Variants in PAMR1 observed in about 807,000 individuals in gnomAD.
The protein encoded by PAMR1 is peptidase domain containing associated with muscle regeneration 1.
PAMR1 carries 88 observed loss-of-function variants against 81.8 expected under a neutral mutation model. The ratio of observed to expected loss-of-function variants is 1.08; its 90% CI spans 0.91 to 1.28. The LOEUF (loss-of-function observed/expected upper bound fraction) is 1.28. Among genes scored for constraint, PAMR1 ranks in the 50% most tolerant of loss-of-function variants. The pLI is 0.00. For missense variants in PAMR1, 935 were observed against 919.7 expected, an observed-to-expected ratio of 1.02 and a Z score of -0.21; for synonymous variants, 336 against 345.3, an observed-to-expected ratio of 0.97 and a Z score of 0.30.
chr11:35,471,496 A>G (rs1850185486), intron 4 of PAMR1, among the ~76,000 whole-genome samples: 1 of 152,212 alleles, frequency 6.6e-6, no homozygotes, highest in South Asian at 2.1e-4. Context: ...GACTAAGTAA[A>G]GGGGAAAACA....
upstream of PAMR1, chr11:35,530,022 T>C (rs1851440132): frequency 6.6e-6 from 1 of 152,192 alleles, no homozygotes; most frequent in Admixed American, 6.5e-5. Context: ...GTTCCCTCTA[T>C]CTCCCAGCTA....
At chr11:35,487,450 T>C (rs1431375993) in intron 3 of PAMR1, among the ~76,000 whole-genome samples, 1 of 152,192 alleles carries the variant, frequency 6.6e-6, no homozygotes, top group Non-Finnish European at 1.5e-5. Context: ...AGCTTATTCT[T>C]GGATCAACAA....
intron 8 of PAMR1, 78 bp from the exon 9 acceptor site, chr11:35,436,213 G>A (rs1164514194): frequency 5.6e-5 from 47 of 836,506 alleles, no homozygotes; most frequent in Admixed American, 1.2e-4. Context: ...TTCATGCCAT[G>A]TCCCATGTAG....
At position 35,474,695 on chromosome 11, in the gene PAMR1, G is replaced by A. The variant is rs1565342649; in HGVS notation, c.429C>T (p.Ser143=). 1.2e-6 allele frequency: 2 copies of A among 1,611,090 alleles called. No individual in the cohort carries two copies. Among genetic ancestry groups the A allele is most frequent in the Non-Finnish European group, 1.7e-6 (2 of 1,178,834 alleles). The change falls in exon 4 of 11, where the codon AGC becomes AGT. Residue 143 remains serine (S), a synonymous_variant. Coordinates refer to ENST00000619888, the MANE Select transcript of PAMR1 (RefSeq NM_001001991.3). ...RAPKGQILLE[S]YPLNAHCEWT... Reference sequence around the variant, plus strand: ...ATTCACAGTGAGCATTTAGGGGATAGCTTTCCAACAAAATCTGACCCTTTG... The same window carrying A: ...ATTCACAGTGAGCATTTAGGGGATAACTTTCCAACAAAATCTGACCCTTTG...
Position 35,432,366 on chromosome 11 carries a change from T to C in PAMR1, c.2153A>G (p.Asn718Ser). The change falls in exon 11 of 11, where the codon AAT (asparagine) becomes AGT (serine). Residue 718 changes from asparagine (N) to serine (S), a missense_variant. Physicochemically the swap from Asn to Ser is conservative, Grantham distance 46. Transcript: ENST00000619888. ...VLPFKDWIER[N>S]MK ...GTGCATGAGCATGGTTCATTTCATA[T>C]TTCTTTCAATCCAGTCTTTAAAAGG... 2 of 1,611,050 alleles carry C rather than the reference T, an allele frequency of 1.2e-6. No individual in the cohort carries two copies. The highest frequency in any genetic ancestry group is 2.2e-5 in the South Asian group (2 of 91,068).
chr11:35,504,502 G>A (rs1283088947), intron 1 of PAMR1, among the ~76,000 whole-genome samples: 1 of 152,068 alleles, frequency 6.6e-6, no homozygotes, highest in Non-Finnish European at 1.5e-5. Context: ...GAAGCCATCA[G>A]ATGGTCCTGG....
intron 1 of PAMR1, among the ~76,000 whole-genome samples, chr11:35,502,264 A>C (rs1364873042): frequency 1.3e-5 from 2 of 152,038 alleles, no homozygotes; most frequent in Non-Finnish European, 2.9e-5. Flanking sequence ...TAATTAATTA[A>C]TTTTTAAGTT....
At chr11:35,483,144 A>C (rs1850432715) in intron 3 of PAMR1, among the ~76,000 whole-genome samples, 1 of 152,204 alleles carries the variant, frequency 6.6e-6, no homozygotes, top group Admixed American at 6.5e-5. Context: ...GGGATGAATC[A>C]GTTTGACCCA....
chr11:35,494,265 T>A lies in PAMR1; in HGVS notation c.81A>T (p.Thr27=), dbSNP rs1850681911. 6.2e-7 allele frequency: 1 copy of A among 1,613,688 alleles called. No individual in the cohort carries two copies. Among genetic ancestry groups the A allele is most frequent in the Admixed American group, 1.7e-5 (1 of 59,998 alleles). Reference sequence around the variant, plus strand: ...CTCCAGGGCAGGCTTCATTAATGACTGTGTACTCTGAAATGGAAAACCAGC... The same window carrying A: ...CTCCAGGGCAGGCTTCATTAATGACAGTGTACTCTGAAATGGAAAACCAGC... ...LLISSLPREY[T]VINEACPGAE... The change falls in exon 2 of 11, where the codon ACA becomes ACT. Residue 27 remains threonine, a synonymous_variant. Transcript: ENST00000619888.
At chr11:35,512,707 G>A (rs1851095095) in intron 1 of PAMR1, among the ~76,000 whole-genome samples, 1 of 152,148 alleles carries the variant, frequency 6.6e-6, no homozygotes, top group Non-Finnish European at 1.5e-5. Flanking sequence ...AAGGAAAATG[G>A]TTAGGGTGGG....
At chr11:35,434,380 G>A (rs2087152364) in intron 10 of PAMR1, 132 bp downstream of exon 10, 3 of 758,962 alleles carry the variant, frequency 4.0e-6, no homozygotes, top group South Asian at 1.9e-5. Flanking sequence ...AATAATGAAC[G>A]CTGCTATATG....
chr11:35,437,284 G>T (rs1856072178), intron 8 of PAMR1, among the ~76,000 whole-genome samples: 3 of 152,236 alleles, frequency 2.0e-5, no homozygotes, highest in South Asian at 4.1e-4. Flanking sequence ...GACAAAGGAA[G>T]TGCAGAGAGG....
At chr11:35,451,980 T>C (rs766021615) in intron 6 of PAMR1, 6 of 653,780 alleles carry the variant, frequency 9.2e-6, no homozygotes, top group Admixed American at 4.6e-5. Context: ...ACCCAGTCTA[T>C]GGTATTCTCT....
At chr11:35,445,414 G>C (rs907829502) in intron 6 of PAMR1, among the ~76,000 whole-genome samples, 1 of 152,116 alleles carries the variant, frequency 6.6e-6, no homozygotes, top group African/African-American at 2.4e-5. Context: ...TCCTTTTCTT[G>C]TGCCAGTTTT....
chr11:35,515,385 C>T (rs1241318808), intron 1 of PAMR1, among the ~76,000 whole-genome samples: 1 of 152,210 alleles, frequency 6.6e-6, no homozygotes, highest in Non-Finnish European at 1.5e-5. Context: ...TATGTTGAGC[C>T]AGGGTGATGC....
intron 8 of PAMR1, among the ~76,000 whole-genome samples, chr11:35,439,359 A>G (rs1460544668): frequency 1.3e-5 from 2 of 152,238 alleles, no homozygotes; most frequent in South Asian, 2.1e-4. Context: ...CTCAAAGATC[A>G]TCTGAAAGTC....
At chr11:35,494,580 G>A (rs1324792369) in intron 1 of PAMR1, among the ~76,000 whole-genome samples, 2 of 152,066 alleles carry the variant, frequency 1.3e-5, no homozygotes, top group Non-Finnish European at 2.9e-5. Context: ...TGATCCACCC[G>A]CCTCCGCCTC....
At chr11:35,437,690 A>G (rs601993) in intron 8 of PAMR1, among the ~76,000 whole-genome samples, 3,667 of 152,376 alleles carry the variant, frequency 0.024, 69 homozygotes, top group Non-Finnish European at 0.039. Context: ...TTACTTGAGA[A>G]ACCCGGCACT....
intron 3 of PAMR1, among the ~76,000 whole-genome samples, chr11:35,479,470 A>G (rs1329128394): frequency 6.6e-6 from 1 of 152,258 alleles, no homozygotes; most frequent in African/African-American, 2.4e-5. Flanking sequence ...GTACATAAAA[A>G]TGCTCAATAA....
Sources: gnomAD v4.1 joint callset for allele counts (sites outside exome capture counted in the v4.1 genomes callset) on GRCh38, gnomAD v4.1.1 for gene constraint, MANE v1.5 for transcripts, NCBI Gene and HGNC (gene_info 2026-07-23, HGNC 2026-07-21) for gene names.